The following RHOH variants were observed in gnomAD, a reference collection of about 807,000 sequenced individuals.
RHOH encodes the protein rho-related GTP-binding protein RhoH.
A neutral mutation model predicts 13.8 loss-of-function variants in RHOH; 6 were observed. The observed-to-expected ratio is 0.44, with a 90% CI of 0.24 to 0.86. RHOH has a LOEUF of 0.86. Among genes scored for constraint, RHOH ranks in the 40% least tolerant of loss-of-function variants. The probability of loss-of-function intolerance (pLI) is 0.24; values close to 1 mark genes in which losing one functional copy is unlikely to be tolerated. For missense variants in RHOH, 147 were observed against 244.5 expected, an observed-to-expected ratio of 0.60 and a Z score of 2.66; for synonymous variants, 117 against 103.0, an observed-to-expected ratio of 1.14 and a Z score of -0.82.
intron 1 of RHOH, among the ~76,000 whole-genome samples, chr4:40,229,940 C>T (rs1727703206): frequency 6.6e-6 from 1 of 152,078 alleles, no homozygotes; most frequent in African/African-American, 2.4e-5. Flanking sequence ...TAAATAAGGA[C>T]CTGACAATAC....
At chr4:40,210,997 G>A (rs1457273827) in intron 1 of RHOH, among the ~76,000 whole-genome samples, 4 of 152,198 alleles carry the variant, frequency 2.6e-5, no homozygotes, top group Admixed American at 2.0e-4. Context: ...TGATGACAAA[G>A]AGAGGCACAG....
At chr4:40,193,034 A>AATCT (rs1722770140), upstream of RHOH, 1 of 152,620 alleles carries the variant, frequency 6.6e-6, no homozygotes, top group Non-Finnish European at 1.5e-5. Flanking sequence ...ATTGGTCAGA[A>AATCT]AGTGGTTGTT....
At chr4:40,231,318 ATTTTTTT>A (rs3071888) in intron 1 of RHOH, among the ~76,000 whole-genome samples, 8 of 127,758 alleles carry the variant, frequency 6.3e-5, no homozygotes, top group South Asian at 2.5e-4. Context: ...TTCTTAGGTG[ATTTTTTT>A]TTTTTTTTTT....
At chr4:40,204,223 T>C (rs1031689411) in intron 1 of RHOH, among the ~76,000 whole-genome samples, 3 of 152,184 alleles carry the variant, frequency 2.0e-5, no homozygotes, top group Non-Finnish European at 4.4e-5. Flanking sequence ...GTGGAGATGA[T>C]TCTTTTACTT....
chr4:40,215,111 A>G (rs1280415037), intron 1 of RHOH, among the ~76,000 whole-genome samples: 3 of 152,160 alleles, frequency 2.0e-5, no homozygotes, highest in Non-Finnish European at 4.4e-5. Context: ...GATAAAAACT[A>G]CCCGGTAAGG....
chr4:40,195,735 C>T (rs923547217), upstream of RHOH, among the ~76,000 whole-genome samples: 28 of 152,026 alleles, frequency 1.8e-4, no homozygotes, highest in African/African-American at 2.4e-4. Context: ...TGTGAGCCAC[C>T]GCCACTGCAC....
At chr4:40,202,964 A>G (rs763736601) in intron 1 of RHOH, among the ~76,000 whole-genome samples, 9 of 151,958 alleles carry the variant, frequency 5.9e-5, no homozygotes, top group Non-Finnish European at 1.2e-4. Flanking sequence ...ATTTATTTTT[A>G]GTTTTTTTTA....
upstream of RHOH, among the ~76,000 whole-genome samples, chr4:40,191,580 G>A (rs1722711979): frequency 6.6e-6 from 1 of 152,128 alleles, no homozygotes. Flanking sequence ...AGAAAAAGTT[G>A]TATCATAACT....
At chr4:40,210,806 T>C (rs911534105) in intron 1 of RHOH, among the ~76,000 whole-genome samples, 2 of 152,198 alleles carry the variant, frequency 1.3e-5, no homozygotes, top group African/African-American at 2.4e-5. Flanking sequence ...AAAGCACAGT[T>C]ATACATACAG....
At chr4:40,193,351 C>T (rs544444239), upstream of RHOH, among the ~76,000 whole-genome samples, 5 of 152,282 alleles carry the variant, frequency 3.3e-5, no homozygotes, top group South Asian at 4.1e-4. Context: ...GACTGCACAG[C>T]GTCAGAAGGG....
chr4:40,222,122 G>A (rs1279304740), intron 1 of RHOH, among the ~76,000 whole-genome samples: 3 of 152,204 alleles, frequency 2.0e-5, no homozygotes, highest in African/African-American at 7.2e-5. Context: ...GCAGAAGTTG[G>A]TTCACTAGGT....
Position 40,216,424 on chromosome 4 carries a change from G to A in RHOH, c.-331+19124G>A, listed in dbSNP as rs374125246. Among the ~76,000 whole-genome samples, 237 of 151,590 alleles carry A rather than the reference G, an allele frequency of 1.6e-3. 13 individuals are homozygous for A. In the South Asian group the frequency reaches 0.047, roughly 30 times the overall value. ...GCAGAGGTGGCAGTAAGCCGAGATC[G>A]CACCACTGCACTCCAGCCTGGGCGA... is the stretch of plus-strand genomic sequence containing the variant. On this transcript the variant is annotated intron_variant, in intron 1 of 2. Transcript: ENST00000381799.
chr4:40,237,887 T>A (rs1205291886), intron 1 of RHOH, among the ~76,000 whole-genome samples: 2 of 152,238 alleles, frequency 1.3e-5, no homozygotes, highest in Non-Finnish European at 2.9e-5. Flanking sequence ...TAACAATCGG[T>A]TAATAATAGT....
intron 1 of RHOH, among the ~76,000 whole-genome samples, chr4:40,213,907 C>T (rs1010160917): frequency 2.0e-5 from 3 of 152,082 alleles, no homozygotes. Flanking sequence ...CAGGTGTGTG[C>T]CACCACGCCC....
upstream of RHOH, chr4:40,193,943 T>C (rs1200995726): frequency 6.6e-6 from 1 of 152,288 alleles, no homozygotes; most frequent in African/African-American, 2.4e-5. Context: ...TCGTTATAAA[T>C]CATGCTGGTG....
intron 1 of RHOH, among the ~76,000 whole-genome samples, chr4:40,240,769 T>A (rs1295951661): frequency 6.6e-6 from 1 of 152,028 alleles, no homozygotes; most frequent in Non-Finnish European, 1.5e-5. Context: ...AGAGCAAAAC[T>A]CCATTTCAAA....
intron 1 of RHOH, among the ~76,000 whole-genome samples, chr4:40,241,055 G>A (rs192682134): frequency 6.6e-6 from 1 of 152,236 alleles, no homozygotes; most frequent in East Asian, 1.9e-4. Context: ...GTCTTAAGAG[G>A]TCTTGGCTCT....
chr4:40,193,094 C>G (rs1029261696), upstream of RHOH: 3 of 152,518 alleles, frequency 2.0e-5, no homozygotes, highest in Admixed American at 6.5e-5. Flanking sequence ...AGCCCTGGGA[C>G]CTCTGAAGTG....
chr4:40,210,369 T>G (rs1225916038), intron 1 of RHOH, among the ~76,000 whole-genome samples: 1 of 152,194 alleles, frequency 6.6e-6, no homozygotes. Context: ...TGCCATTTTG[T>G]TGTCTTTTGT....
Sources: gnomAD v4.1 joint callset for allele counts (sites outside exome capture counted in the v4.1 genomes callset) on GRCh38, gnomAD v4.1.1 for gene constraint, MANE v1.5 for transcripts, NCBI Gene and HGNC (gene_info 2026-07-23, HGNC 2026-07-21) for gene names.